Variants in MAP4 observed in about 807,000 individuals in gnomAD.
MAP4 encodes microtubule-associated protein 4.
A neutral mutation model predicts 170.2 loss-of-function variants in MAP4; 76 were observed. The observed-to-expected ratio is 0.45, with a 90% CI of 0.37 to 0.54. The LOEUF (loss-of-function observed/expected upper bound fraction) is 0.54, where lower values mean the gene tolerates loss of function less well. MAP4 is among the 20% of genes least tolerant of loss of function. The pLI, the probability that MAP4 is intolerant of heterozygous loss-of-function variation, is 0.00. For synonymous variants in MAP4, 909 were observed against 994.5 expected, an observed-to-expected ratio of 0.91 and a Z score of 1.62; for missense variants, 2,506 against 2,748.0, an observed-to-expected ratio of 0.91 and a Z score of 1.97.
intron 3 of MAP4, among the ~76,000 whole-genome samples, chr3:47,948,628 TTTC>T (rs888647488): frequency 6.6e-6 from 1 of 151,498 alleles, no homozygotes; most frequent in African/African-American, 2.4e-5. Flanking sequence ...GGTGATCAAT[TTTC>T]TTTTTTTTGA....
At chr3:48,081,585 C>T (rs2100146719) in intron 1 of MAP4, among the ~76,000 whole-genome samples, 1 of 152,098 alleles carries the variant, frequency 6.6e-6, no homozygotes, top group Non-Finnish European at 1.5e-5. Flanking sequence ...AAATTTCTCA[C>T]TTTCAGAGAA....
chr3:48,064,711 A>T (rs2100137540), intron 1 of MAP4, among the ~76,000 whole-genome samples: 1 of 152,148 alleles, frequency 6.6e-6, no homozygotes, highest in Non-Finnish European at 1.5e-5. Flanking sequence ...TGCAACTGTC[A>T]TAGAGTGTAC....
chr3:47,879,271 G>A (rs2096210834), intron 10 of MAP4, among the ~76,000 whole-genome samples: 1 of 151,972 alleles, frequency 6.6e-6, no homozygotes, highest in African/African-American at 2.4e-5. Flanking sequence ...TAAGTATAAT[G>A]TGAAACTATT....
intron 3 of MAP4, among the ~76,000 whole-genome samples, chr3:47,947,309 T>G (rs2100060693): frequency 6.6e-6 from 1 of 152,134 alleles, no homozygotes; most frequent in African/African-American, 2.4e-5. Context: ...TACCCCTTCC[T>G]CCTCCTGGCA....
chr3:47,851,214 G>T lies in MAP4; in HGVS notation c.*1720C>A, dbSNP rs1025887948. ...ACATGGTCTCTACGGAGGAAAGCTG[G>T]TCCCCCTGGCCCAGGCAGCACTTCC... is the stretch of plus-strand genomic sequence containing the variant. On this transcript the variant is annotated 3_prime_UTR_variant, in exon 21 of 21. Coordinates refer to ENST00000683076, the MANE Select transcript of MAP4 (RefSeq NM_001385682.1). The T allele has an allele frequency of 6.6e-6, 1 of 152,194 alleles. No homozygotes were observed. The highest frequency in any genetic ancestry group is 1.9e-4 in the East Asian group (1 of 5,202). 9.4% of individuals were successfully genotyped at this position (152,194 alleles called of 1,614,324 possible). A position where few individuals can be genotyped will look rare whatever the true frequency, so the allele number is the denominator to read the frequency against.
chr3:47,911,591 G>T lies in MAP4; in HGVS notation c.2830C>A (p.Leu944Ile). 3 of 1,536,102 alleles carry T rather than the reference G, an allele frequency of 2.0e-6. No homozygotes were observed. The highest frequency in any genetic ancestry group is 2.6e-6 in the Non-Finnish European group (3 of 1,146,904). ...YNVETPLDIR[L>I]KEGCSPFLDQ... Reference sequence around the variant, plus strand: ...AAGAAAGGAGAGCAACCCTCTTTAAGTCTGATATCCAAAGGGGTTTCTACA... The same window carrying T: ...AAGAAAGGAGAGCAACCCTCTTTAATTCTGATATCCAAAGGGGTTTCTACA... Residue 944 changes from leucine to isoleucine, a missense_variant, in exon 9 of 21, where the codon CTT (leucine) becomes ATT (isoleucine). This residue lies in a region of MAP4 where 2,008 missense variants were observed against 2,206.0 expected (regional missense o/e 0.91). Transcript: ENST00000683076. This position sits in a 1 kb window ranked among gnomAD's most constrained non-coding sequence, Gnocchi z 4.0.
At chr3:48,037,764 C>T (rs968010254) in intron 1 of MAP4, among the ~76,000 whole-genome samples, 9 of 152,204 alleles carry the variant, frequency 5.9e-5, no homozygotes, top group Non-Finnish European at 1.3e-4. Context: ...TTCAGGAGCA[C>T]TCTATATGAT....
At chr3:47,892,704 A>T in intron 10 of MAP4, 1 of 1,369,888 alleles carries the variant, frequency 7.3e-7, no homozygotes, top group Non-Finnish European at 9.4e-7. Context: ...TGAAAGCGAA[A>T]GAAAGGAAGG....
chr3:47,867,690 CCCT>C (rs2082988795), intron 16 of MAP4, among the ~76,000 whole-genome samples: 1 of 152,232 alleles, frequency 6.6e-6, no homozygotes, highest in African/African-American at 2.4e-5. Context: ...TTGCTCTGCT[CCCT>C]CCTCAAGAGC....
intron 1 of MAP4, among the ~76,000 whole-genome samples, chr3:48,068,565 G>A (rs570266815): frequency 1.1e-4 from 17 of 152,214 alleles, no homozygotes; most frequent in Admixed American, 5.2e-4. Flanking sequence ...CAAGGCGGGC[G>A]GATCACGAGG....
intron 1 of MAP4, among the ~76,000 whole-genome samples, chr3:48,037,219 C>G (rs1236582262): frequency 6.6e-6 from 1 of 152,176 alleles, no homozygotes; most frequent in Admixed American, 6.5e-5. Flanking sequence ...TTTAGCTCTT[C>G]ATGTGCTGGA....
At chr3:47,873,347 A>G (rs2094136812) in intron 12 of MAP4, among the ~76,000 whole-genome samples, 1 of 152,198 alleles carries the variant, frequency 6.6e-6, no homozygotes, top group African/African-American at 2.4e-5. Flanking sequence ...TAGGGGATGA[A>G]GACACTATTT....
At chr3:48,041,401 C>G (rs1232087177) in intron 1 of MAP4, among the ~76,000 whole-genome samples, 1 of 151,628 alleles carries the variant, frequency 6.6e-6, no homozygotes, top group African/African-American at 2.4e-5. Context: ...CATAAGCCAC[C>G]GTGCCCGGCT....
At chr3:48,003,410 C>T (rs184108492) in intron 1 of MAP4, among the ~76,000 whole-genome samples, 6 of 147,698 alleles carry the variant, frequency 4.1e-5, no homozygotes, top group Non-Finnish European at 5.9e-5. Context: ...GCAGAGATCG[C>T]GCCACTGCAC....
chr3:47,947,565 C>G (rs367929749), intron 3 of MAP4, among the ~76,000 whole-genome samples: 96 of 152,110 alleles, frequency 6.3e-4, no homozygotes, highest in African/African-American at 2.2e-3. Flanking sequence ...GTAATCCCAC[C>G]ACTTTGGGAG....
intron 3 of MAP4, among the ~76,000 whole-genome samples, chr3:47,949,728 T>C (rs1043731878): frequency 3.3e-5 from 5 of 152,208 alleles, no homozygotes; most frequent in African/African-American, 1.2e-4. Context: ...AGCTGGACTC[T>C]TCAAATGTTT....
At chr3:47,927,601 G>C (rs898816955) in intron 4 of MAP4, among the ~76,000 whole-genome samples, 42 of 152,090 alleles carry the variant, frequency 2.8e-4, no homozygotes, top group African/African-American at 9.9e-4. Flanking sequence ...TCAGCCTCCC[G>C]AGTAGCTGGG....
intron 3 of MAP4, among the ~76,000 whole-genome samples, chr3:47,954,571 C>T (rs756377561): frequency 1.3e-5 from 2 of 152,210 alleles, no homozygotes; most frequent in Non-Finnish European, 2.9e-5. Flanking sequence ...GAGGAAAAAC[C>T]TGTAGTGTTC....
At chr3:47,982,944 C>T (rs1289749917) in intron 2 of MAP4, among the ~76,000 whole-genome samples, 1 of 152,224 alleles carries the variant, frequency 6.6e-6, no homozygotes, top group Non-Finnish European at 1.5e-5. Context: ...ATCGCCAAGA[C>T]TGGAGTGCAG....
Sources: gnomAD v4.1 joint callset for allele counts (sites outside exome capture counted in the v4.1 genomes callset) on GRCh38, gnomAD v4.1.1 for gene constraint, gnomAD v4.1.1 regional missense constraint, Gnocchi (gnomAD v3.1) non-coding constraint, MANE v1.5 for transcripts, NCBI Gene and HGNC (gene_info 2026-07-23, HGNC 2026-07-21) for gene names.